FNBP1: variants seen among roughly 807,000 people sequenced by gnomAD.
The protein encoded by FNBP1 is formin binding protein 1.
A neutral mutation model predicts 90.6 loss-of-function variants in FNBP1; 26 were observed. The ratio of observed to expected loss-of-function variants is 0.29; its 90% CI spans 0.21 to 0.40. The LOEUF (loss-of-function observed/expected upper bound fraction) is 0.40. Among genes scored for constraint, FNBP1 ranks in the 10% least tolerant of loss-of-function variants. The pLI, the probability that FNBP1 is intolerant of heterozygous loss-of-function variation, is 1.00. For missense variants in FNBP1, 635 were observed against 768.0 expected (o/e 0.83, Z 2.05); for synonymous variants, 260 against 265.2 (o/e 0.98, Z 0.19).
rs552948067 is a variant in FNBP1 at position 129,974,957 on chromosome 9, G to A, written c.345+3508C>T. Among the ~76,000 whole-genome samples the A allele has an allele frequency of 5.3e-5, 8 of 152,246 alleles. 2 individuals are homozygous for A. Among genetic ancestry groups the A allele is most frequent in the African/African-American group, 1.4e-4 (6 of 41,552 alleles). ...AAACAGGTCAGGTGCAGTGGCTCAC[G>A]CCTGTAATCCCAGCACTTTGGGAGG... On this transcript the variant is annotated intron_variant, in intron 4 of 16. Coordinates refer to ENST00000446176, the MANE Select transcript of FNBP1 (RefSeq NM_015033.3).
chr9:129,959,754 AACCATCACCACG>A (rs2047512500), intron 4 of FNBP1, among the ~76,000 whole-genome samples: 1 of 152,092 alleles, frequency 6.6e-6, no homozygotes, highest in Non-Finnish European at 1.5e-5. Flanking sequence ...AAAACTGTAC[AACCATCACCACG>A]ACCAATTTTA....
chr9:129,918,877 C>CAA (rs796911962), intron 10 of FNBP1: 447 of 152,768 alleles, frequency 2.9e-3, no homozygotes, highest in South Asian at 3.4e-3. Flanking sequence ...AAGAGAAAAA[C>CAA]AAAAAAAAAA....
intron 1 of FNBP1, among the ~76,000 whole-genome samples, chr9:130,002,137 C>T (rs996395423): frequency 6.7e-6 from 1 of 149,454 alleles, no homozygotes; most frequent in South Asian, 2.1e-4. Context: ...TGCAGTGAGC[C>T]GAGATCGCGC....
intron 9 of FNBP1, 53 bp downstream of exon 9, chr9:129,924,893 TAAGACTAAAAGATC>T: frequency 4.4e-6 from 6 of 1,369,684 alleles, no homozygotes; most frequent in Non-Finnish European, 6.0e-6. Flanking sequence ...TTAGTTTTTC[TAAGACTAAAAGATC>T]AAGTCAAAAT....
chr9:129,990,099 CA>C (rs1264359529), intron 2 of FNBP1, among the ~76,000 whole-genome samples: 4 of 151,294 alleles, frequency 2.6e-5, no homozygotes, highest in Non-Finnish European at 1.5e-5. Flanking sequence ...GTTCTTCCCA[CA>C]AAAAAAATAT....
At chr9:129,953,716 T>C (rs111412804) in intron 6 of FNBP1, among the ~76,000 whole-genome samples, 1,907 of 151,766 alleles carry the variant, frequency 0.013, 18 homozygotes, top group Middle Eastern at 0.024. Flanking sequence ...GTAATCTTAA[T>C]GTTTATAATG....
chr9:129,892,062 AG>A (rs2035151760), intron 16 of FNBP1, among the ~76,000 whole-genome samples: 1 of 152,198 alleles, frequency 6.6e-6, no homozygotes. Context: ...GCGGGGACCT[AG>A]CTCCCCATGC....
chr9:129,976,584 C>T (rs1242126259), intron 4 of FNBP1, among the ~76,000 whole-genome samples: 2 of 152,158 alleles, frequency 1.3e-5, no homozygotes, highest in African/African-American at 2.4e-5. Context: ...CCTGCCCAAG[C>T]GCCCTGGCTG....
In FNBP1 at chr9:129,890,268, G is replaced by T; in HGVS notation, c.*271C>A. The T allele has an allele frequency of 1.5e-5, 8 of 527,556 alleles. No homozygotes were observed. Among genetic ancestry groups the T allele is most frequent in the Admixed American group, 7.0e-5 (2 of 28,584 alleles). 32.7% of individuals were successfully genotyped at this position (527,556 alleles called of 1,614,324 possible). ...TAGGGGCGTGTGTCCCACCGTCTCA[G>T]TGGCCTGCGCGGGGTGGGGAGGGGG... On this transcript the variant is annotated 3_prime_UTR_variant, in exon 17 of 17. Transcript: ENST00000446176. The surrounding 1 kb of genome is among the most constrained non-coding windows in gnomAD (Gnocchi z 5.8).
At chr9:130,021,364 G>A (rs1339212705) in intron 1 of FNBP1, among the ~76,000 whole-genome samples, 2 of 152,164 alleles carry the variant, frequency 1.3e-5, no homozygotes, top group African/African-American at 4.8e-5. Flanking sequence ...GCCACATGCT[G>A]TAATTACTGT....
Position 129,888,747 on chromosome 9 carries a change from G to T in FNBP1, c.*1792C>A. ...CCCCGAGGGCTGACTGAGCTGCTCC[G>T]GAAGGGTGGTGTGTGGTCAACCTTG... is the stretch of plus-strand genomic sequence containing the variant. On this transcript the variant is annotated 3_prime_UTR_variant, in exon 17 of 17. Transcript: ENST00000446176. The T allele has an allele frequency of 4.3e-6, 1 of 233,300 alleles. No homozygotes were observed. Among genetic ancestry groups the T allele is most frequent in the Non-Finnish European group, 8.5e-6 (1 of 118,082 alleles). The allele number at this position is 233,300 out of a possible 1,614,324, so 14.5% of individuals were successfully genotyped here. A position where few individuals can be genotyped will look rare whatever the true frequency, so the allele number is the denominator to read the frequency against.
At chr9:130,016,881 G>A (rs187569667) in intron 1 of FNBP1, among the ~76,000 whole-genome samples, 82 of 152,330 alleles carry the variant, frequency 5.4e-4, no homozygotes, top group Admixed American at 3.0e-3. Context: ...TCAGGAATGT[G>A]CCAGTGACTC....
chr9:129,960,475 G>A (rs1044783740), intron 4 of FNBP1, among the ~76,000 whole-genome samples: 2 of 151,438 alleles, frequency 1.3e-5, no homozygotes, highest in Admixed American at 6.6e-5. Context: ...AGTGTTTTGT[G>A]TGCATGGCTG....
At chr9:129,913,590 G>GT in intron 11 of FNBP1, among the ~76,000 whole-genome samples, 1 of 152,010 alleles carries the variant, frequency 6.6e-6, no homozygotes, top group Non-Finnish European at 1.5e-5. Flanking sequence ...GGCCAGCATG[G>GT]TGAAACCCCG....
chr9:130,003,717 A>T (rs970942165), intron 1 of FNBP1, among the ~76,000 whole-genome samples: 1 of 151,746 alleles, frequency 6.6e-6, no homozygotes, highest in Non-Finnish European at 1.5e-5. Flanking sequence ...GGGCCAGGAG[A>T]TCAAGACCAT....
intron 2 of FNBP1, among the ~76,000 whole-genome samples, chr9:129,983,208 C>T (rs2051569526): frequency 6.6e-6 from 1 of 152,134 alleles, no homozygotes; most frequent in Non-Finnish European, 1.5e-5. Context: ...TTATAGTTCT[C>T]TTTTACCAGT....
chr9:129,998,815 A>C (rs918365056), intron 1 of FNBP1, among the ~76,000 whole-genome samples: 3 of 152,232 alleles, frequency 2.0e-5, no homozygotes, highest in Admixed American at 2.0e-4. Flanking sequence ...GCCTCAATCC[A>C]ACAATATGTT....
Position 129,927,355 on chromosome 9 carries a change from T to C in FNBP1, c.643-14A>G. The stretch of plus-strand genomic sequence containing the variant: ...CTCTTGTATTTTCTGCAACATTAGA[T>C]TTTGTATAAAGTAAGTTTGGTCCAT... On this transcript the variant is annotated splice_polypyrimidine_tract_variant and intron_variant, in intron 7 of 16. Transcript: ENST00000446176. 1 of 1,606,766 alleles carries C rather than the reference T, an allele frequency of 6.2e-7. No homozygotes were observed. Among genetic ancestry groups the C allele is most frequent in the Non-Finnish European group, 8.5e-7 (1 of 1,174,732 alleles).
At chr9:130,008,331 AGAGT>A (rs1027501890) in intron 1 of FNBP1, among the ~76,000 whole-genome samples, 1 of 152,208 alleles carries the variant, frequency 6.6e-6, no homozygotes, top group Non-Finnish European at 1.5e-5. Context: ...CCTGGGCAAC[AGAGT>A]GAGACTCTGT....
Sources: gnomAD v4.1 joint callset for allele counts (sites outside exome capture counted in the v4.1 genomes callset) on GRCh38, gnomAD v4.1.1 for gene constraint, Gnocchi (gnomAD v3.1) non-coding constraint, MANE v1.5 for transcripts, NCBI Gene and HGNC (gene_info 2026-07-23, HGNC 2026-07-21) for gene names.